Variants in CCDC157 observed in about 807,000 individuals in gnomAD.
CCDC157 encodes the protein coiled-coil domain-containing protein 157.
A neutral mutation model predicts 70.9 loss-of-function variants in CCDC157; 60 were observed. The observed-to-expected ratio is 0.85, with a 90% CI of 0.69 to 1.05. The LOEUF (loss-of-function observed/expected upper bound fraction) is 1.05, where lower values mean the gene tolerates loss of function less well. Among genes scored for constraint, CCDC157 ranks in the 50% least tolerant of loss-of-function variants. CCDC157 has a pLI of 0.00. For synonymous variants in CCDC157, 373 were observed against 422.4 expected, an observed-to-expected ratio of 0.88 and a Z score of 1.43; for missense variants, 943 against 984.2, an observed-to-expected ratio of 0.96 and a Z score of 0.56.
chr22:30,375,036 G>A lies in CCDC157; in HGVS notation c.1673-443G>A, dbSNP rs566076409. The A allele has an allele frequency of 6.7e-4, 207 of 307,398 alleles. No individual in the cohort carries two copies. In the Middle Eastern group the frequency reaches 9.6e-3, roughly 14 times the overall value. 19.0% of individuals were successfully genotyped at this position (307,398 alleles called of 1,614,324 possible). A position where few individuals can be genotyped will look rare whatever the true frequency, so the allele number is the denominator to read the frequency against. On this transcript the variant is annotated intron_variant, in intron 9 of 11. Coordinates refer to ENST00000338306, the MANE Select transcript of CCDC157 (RefSeq NM_001017437.5). The stretch of plus-strand genomic sequence containing the variant: ...TGCAGTGGCACAATCTCTGCTCACT[G>A]CAACCTCCACCTCCTGGGTTCAAGT...
At chr22:30,363,010 T>C (rs1479061403) in intron 2 of CCDC157, among the ~76,000 whole-genome samples, 3 of 152,162 alleles carry the variant, frequency 2.0e-5, no homozygotes, top group Non-Finnish European at 4.4e-5. Flanking sequence ...AAGGAGGTAC[T>C]TCCTGCTACT....
chr22:30,372,304 G>C lies in CCDC157; in HGVS notation c.1335+18G>C. 1 of 1,514,242 alleles carries C rather than the reference G, an allele frequency of 6.6e-7. No individual in the cohort carries two copies. The highest frequency in any genetic ancestry group is 8.8e-7 in the Non-Finnish European group (1 of 1,134,540). The allele number at this position is 1,514,242 out of a possible 1,614,324, so 93.8% of individuals were successfully genotyped here. A position where few individuals can be genotyped will look rare whatever the true frequency, so the allele number is the denominator to read the frequency against. ...ACCAGGAGGTGAGGCCAGGGCCCTC[G>C]CTAGCCTGGGCATCTGCAATGTAGG... On this transcript the variant is annotated intron_variant, in intron 7 of 11. Coordinates refer to ENST00000338306, the MANE Select transcript of CCDC157 (RefSeq NM_001017437.5).
chr22:30,363,745 A>T (rs1188464128), intron 2 of CCDC157, among the ~76,000 whole-genome samples: 1 of 140,962 alleles, frequency 7.1e-6, no homozygotes, highest in Admixed American at 7.5e-5. Flanking sequence ...CTGGAGTGCA[A>T]TGGCGCGATC....
rs534804321 is a variant in CCDC157 at position 30,371,213 on chromosome 22, G to C, written c.1045+263G>C. On this transcript the variant is annotated intron_variant, in intron 5 of 11. Transcript: ENST00000338306. The stretch of plus-strand genomic sequence containing the variant: ...TCGTCCATCGGTCAGTGAGGGAACC[G>C]AGGTATGTATCCACTTGCACTGTCA... The C allele has an allele frequency of 6.6e-5, 37 of 559,148 alleles. No homozygotes were observed. The African/African-American group carries it at 6.9e-4, about 10-fold the overall frequency. 34.6% of individuals were successfully genotyped at this position (559,148 alleles called of 1,614,324 possible).
Position 30,369,981 on chromosome 22 carries a change from CTG to C in CCDC157, c.421-344_421-343del. Reference sequence around the variant, plus strand: ...TCCCATGATGGGAAGGAAACTAAAACTGAGAGTGGTTATGGTGACACAAGAGC... The same window carrying C: ...TCCCATGATGGGAAGGAAACTAAAACAGAGTGGTTATGGTGACACAAGAGC... On this transcript the variant is annotated intron_variant, in intron 4 of 11. Transcript: ENST00000338306. 6.4e-6 allele frequency: 3 copies of C among 471,510 alleles called. 1 individual carries two copies. Among genetic ancestry groups the C allele is most frequent in the South Asian group, 5.8e-5 (2 of 34,252 alleles). The allele number at this position is 471,510 out of a possible 1,614,324, so 29.2% of individuals were successfully genotyped here.
chr22:30,364,192 C>T (rs1397620465), intron 2 of CCDC157, among the ~76,000 whole-genome samples: 2 of 152,124 alleles, frequency 1.3e-5, no homozygotes, highest in African/African-American at 4.8e-5. Context: ...AAATAATTAG[C>T]TAGGTGTAGT....
intron 1 of CCDC157, among the ~76,000 whole-genome samples, chr22:30,358,542 G>T (rs966250115): frequency 6.6e-6 from 1 of 152,308 alleles, no homozygotes; most frequent in African/African-American, 2.4e-5. Flanking sequence ...AGAGTTTCCC[G>T]TGTTTTCATG....
intron 1 of CCDC157, among the ~76,000 whole-genome samples, chr22:30,357,695 T>G (rs1167934332): frequency 5.3e-5 from 8 of 151,358 alleles, no homozygotes; most frequent in African/African-American, 1.9e-4. Context: ...TTTGGCATTT[T>G]TAGTAGAGAC....
Position 30,378,090 on chromosome 22 carries a change from C to T in CCDC157, c.*1345C>T, listed in dbSNP as rs769252620. On this transcript the variant is annotated 3_prime_UTR_variant, in exon 12 of 12. Coordinates refer to ENST00000338306, the MANE Select transcript of CCDC157 (RefSeq NM_001017437.5). ...TCGCTGGCTGGCTGTAAGCCAGGTC[C>T]TCTCACGGCTCCTAGAGGCCGTCCA... 9.8e-5 allele frequency: 46 copies of T among 470,874 alleles called. No individual in the cohort carries two copies. Among genetic ancestry groups the T allele is most frequent in the South Asian group, 1.5e-5 (1 of 64,574 alleles). The allele number at this position is 470,874 out of a possible 1,614,324, so 29.2% of individuals were successfully genotyped here. A position where few individuals can be genotyped will look rare whatever the true frequency, so the allele number is the denominator to read the frequency against.
intron 2 of CCDC157, among the ~76,000 whole-genome samples, chr22:30,365,644 T>C (rs763984133): frequency 6.6e-6 from 1 of 152,204 alleles, no homozygotes; most frequent in Non-Finnish European, 1.5e-5. Flanking sequence ...TGTGCCCTGT[T>C]CAAGGGTTCG....
chr22:30,375,838 C>T (rs938020078), intron 10 of CCDC157, 175 bp downstream of exon 10: 18 of 623,114 alleles, frequency 2.9e-5, no homozygotes, highest in East Asian at 2.2e-4. Context: ...GTTATGGATC[C>T]GATGCCTTCC....
intron 7 of CCDC157, chr22:30,372,492 G>C: frequency 7.8e-6 from 5 of 639,912 alleles, no homozygotes; most frequent in Non-Finnish European, 7.4e-6. Flanking sequence ...ATACTGCCCA[G>C]TGAGGCCTCA....
At chr22:30,360,028 C>G (rs551631636) in intron 1 of CCDC157, among the ~76,000 whole-genome samples, 1 of 152,304 alleles carries the variant, frequency 6.6e-6, no homozygotes, top group African/African-American at 2.4e-5. Context: ...ACCTGTAGTC[C>G]TACCTACTCA....
chr22:30,371,554 G>A (rs1018984806), intron 5 of CCDC157, 96 bp from the exon 6 acceptor site: 40 of 1,052,894 alleles, frequency 3.8e-5, no homozygotes, highest in Admixed American at 1.1e-4. Flanking sequence ...CTCTGCAGGC[G>A]ATGGGCTGCC....
chr22:30,365,847 TG>T, intron 2 of CCDC157, 142 bp from the exon 3 acceptor site: 2 of 815,062 alleles, frequency 2.5e-6, no homozygotes, highest in Non-Finnish European at 1.9e-6. Context: ...CCTTGTCACC[TG>T]GGGCTGGGAA....
rs894419081 is a variant in CCDC157 at position 30,372,399 on chromosome 22, T to C, written c.1335+113T>C. ...TATATTGGGCATCTGCTCCCTGAGA[T>C]GCCTCCAGGTGTGGGGGTTGACTCA... On this transcript the variant is annotated intron_variant, in intron 7 of 11. Coordinates refer to ENST00000338306, the MANE Select transcript of CCDC157 (RefSeq NM_001017437.5). 8 of 1,359,722 alleles carry C rather than the reference T, an allele frequency of 5.9e-6. No homozygotes were observed. In the African/African-American group the frequency reaches 1.2e-4, roughly 20 times the overall value. The allele number at this position is 1,359,722 out of a possible 1,614,324, so 84.2% of individuals were successfully genotyped here.
intron 7 of CCDC157, 135 bp from the exon 8 acceptor site, chr22:30,373,461 CA>C: frequency 1.1e-6 from 1 of 917,894 alleles, no homozygotes; most frequent in Non-Finnish European, 1.6e-6. Flanking sequence ...ATGTGACCAG[CA>C]TTCCCTAGAC....
Position 30,378,132 on chromosome 22 carries a change from G to C in CCDC157, c.*1387G>C, listed in dbSNP as rs1475211532. On this transcript the variant is annotated 3_prime_UTR_variant, in exon 12 of 12. Transcript: ENST00000338306. The stretch of plus-strand genomic sequence containing the variant: ...GGCCGTCCACCTTCCTTGCCATGGG[G>C]CTCCCTCCATCTTCAAGTCAACAAC... 2.1e-6 allele frequency: 1 copy of C among 471,074 alleles called. No homozygotes were observed. The highest frequency in any genetic ancestry group is 4.4e-6 in the Non-Finnish European group (1 of 227,028). 29.2% of individuals were successfully genotyped at this position (471,074 alleles called of 1,614,324 possible).
chr22:30,370,756 C>G lies in CCDC157; in HGVS notation c.851C>G (p.Thr284Arg). Residue 284 changes from threonine to arginine, a missense_variant, in exon 5 of 12, where the codon ACG (threonine) becomes AGG (arginine). Thr to Arg is a moderately conservative substitution (Grantham distance 71, BLOSUM62 -1). Coordinates refer to ENST00000338306, the MANE Select transcript of CCDC157 (RefSeq NM_001017437.5). ...RWAAEQRKDL[T>R]RLSKHVEALR... is the part of the protein sequence containing the mutation. ...GCAGCAGAGCAGAGGAAAGACCTGA[C>G]GCGCCTCAGTAAGCATGTGGAGGCC... The G allele has an allele frequency of 1.9e-6, 3 of 1,613,582 alleles. No individual in the cohort carries two copies. The highest frequency in any genetic ancestry group is 2.2e-5 in the South Asian group (2 of 91,070).
Sources: allele counts gnomAD v4.1 joint callset (sites outside exome capture counted in the v4.1 genomes callset), GRCh38; gene constraint gnomAD v4.1.1; transcripts MANE v1.5; gene names NCBI Gene and HGNC (gene_info 2026-07-23, HGNC 2026-07-21).